The following MYPN variants were observed in gnomAD, a reference collection of about 807,000 sequenced individuals.
The protein encoded by MYPN is sarcomeric protein myopalladin, 145 kDa (MYOP).
Under a neutral mutation model 129.4 loss-of-function variants are expected in MYPN, and 63 were observed. The ratio of observed to expected loss-of-function variants is 0.49; its 90% CI spans 0.40 to 0.60. The LOEUF (loss-of-function observed/expected upper bound fraction) is 0.60, where lower values mean the gene tolerates loss of function less well. Ranked by LOEUF, MYPN falls within the 20% of genes least tolerant of loss-of-function variation. The pLI is 0.00. For synonymous variants in MYPN, 629 were observed against 600.9 expected (o/e 1.05, Z -0.68); for missense variants, 1,596 against 1,635.4 (o/e 0.98, Z 0.42).
At chr10:68,195,790 C>CT (rs1491122542) in intron 15 of MYPN, among the ~76,000 whole-genome samples, 2 of 33,038 alleles carry the variant, frequency 6.1e-5, no homozygotes, top group African/African-American at 1.1e-4. Context: ...GTCTCTGGGG[C>CT]TTTTTTTTTA....
At chr10:68,176,064 T>A (rs1273397727) in intron 12 of MYPN, among the ~76,000 whole-genome samples, 1 of 152,164 alleles carries the variant, frequency 6.6e-6, no homozygotes, top group African/African-American at 2.4e-5. Flanking sequence ...CTTTAAGGAA[T>A]TCTGGGGTTC....
chr10:68,186,667 T>C (rs1331628431), intron 12 of MYPN, among the ~76,000 whole-genome samples: 2 of 152,236 alleles, frequency 1.3e-5, no homozygotes, highest in Non-Finnish European at 2.9e-5. Context: ...TATTCACTCA[T>C]TCTTCAGATC....
upstream of MYPN, among the ~76,000 whole-genome samples, chr10:68,105,011 T>C (rs192843471): frequency 1.3e-3 from 195 of 152,294 alleles, 2 homozygotes; most frequent in Admixed American, 0.012. Context: ...TTTGAACTCC[T>C]GACCTCAGGT....
upstream of MYPN, among the ~76,000 whole-genome samples, chr10:68,103,077 G>A (rs1374833100): frequency 6.6e-6 from 1 of 152,134 alleles, no homozygotes; most frequent in African/African-American, 2.4e-5. Flanking sequence ...GAGCAAAATG[G>A]ATGAAAAAGC....
chr10:68,174,599 C>T lies in MYPN; in HGVS notation c.2507C>T (p.Ser836Phe), dbSNP rs376141715. 21 of 1,614,212 alleles carry T rather than the reference C, an allele frequency of 1.3e-5. 1 individual carries two copies. In the African/African-American group the frequency reaches 2.0e-4, roughly 15 times the overall value. The change falls in exon 11 of 20, where the codon TCT becomes TTT. Residue 836 changes from serine (S) to phenylalanine (F), a missense_variant. Ser to Phe is a radical substitution (Grantham distance 155). Coordinates refer to ENST00000358913, the MANE Select transcript of MYPN (RefSeq NM_032578.4). ...GCTTTCCTCAGCTCTGTTCTGCCTT[C>T]TCTCCCTGCCATCCCACCCACAAAT... The part of the protein sequence containing the change: ...PVAFLSSVLP[S>F]LPAIPPTNAM...
chr10:68,165,807 T>G lies in MYPN; in HGVS notation c.1589T>G (p.Leu530Arg), dbSNP rs771840346. The G allele has an allele frequency of 6.2e-7, 1 of 1,613,708 alleles. No individual in the cohort carries two copies. The highest frequency in any genetic ancestry group is 2.2e-5 in the East Asian group (1 of 44,874). The change falls in exon 9 of 20, where the codon CTG (leucine) becomes CGG (arginine). Residue 530 changes from leucine (L) to arginine (R), a missense_variant. Coordinates refer to ENST00000358913, the MANE Select transcript of MYPN (RefSeq NM_032578.4). ...KYGTVSSIAQ[L>R]HVRGNEDLSN... ...GGCACAGTGTCAAGCATTGCACAGC[T>G]GCACGTGAGAGGTAAGGACTCTTTA...
At chr10:68,206,936 T>C (rs986401611) in intron 19 of MYPN, 33 bp downstream of exon 19, 2 of 1,613,856 alleles carry the variant, frequency 1.2e-6, no homozygotes, top group Non-Finnish European at 1.7e-6. Flanking sequence ...AACATCTGTA[T>C]GCAACTGACA....
chr10:68,194,746 C>T (rs1271466770), intron 14 of MYPN, among the ~76,000 whole-genome samples: 2 of 152,230 alleles, frequency 1.3e-5, no homozygotes, highest in African/African-American at 2.4e-5. Flanking sequence ...TATTTTTTCA[C>T]TATGTATACC....
intron 12 of MYPN, among the ~76,000 whole-genome samples, chr10:68,182,223 AC>A (rs2043324646): frequency 1.2e-5 from 1 of 82,342 alleles, no homozygotes; most frequent in Non-Finnish European, 2.6e-5. Flanking sequence ...TATATATATA[AC>A]ACATATATAT....
At chr10:68,200,987 T>C (rs1202587224) in intron 17 of MYPN, among the ~76,000 whole-genome samples, 2 of 152,198 alleles carry the variant, frequency 1.3e-5, no homozygotes, top group African/African-American at 4.8e-5. Flanking sequence ...ATGAGGTACC[T>C]TTACCTAAAT....
chr10:68,135,586 C>T lies in MYPN; in HGVS notation c.903-7354C>T, dbSNP rs117200794. 5,589 of 574,016 alleles carry T rather than the reference C, an allele frequency of 9.7e-3. 39 individuals carry two copies. Among genetic ancestry groups the T allele is most frequent in the Non-Finnish European group, 0.011 (4,812 of 454,380 alleles). 35.6% of individuals were successfully genotyped at this position (574,016 alleles called of 1,614,324 possible). A position where few individuals can be genotyped will look rare whatever the true frequency, so the allele number is the denominator to read the frequency against. On this transcript the variant is annotated intron_variant, in intron 2 of 19. Transcript: ENST00000358913. ...TCTTCACTTAAGAGATCAAGCATTG[C>T]TAAATGAAGCTGGGCAAAGACAATT...
At chr10:68,173,103 G>A (rs779620341) in intron 10 of MYPN, among the ~76,000 whole-genome samples, 54 of 152,092 alleles carry the variant, frequency 3.6e-4, no homozygotes, top group Non-Finnish European at 1.2e-4. Flanking sequence ...CAAAAATAAT[G>A]ATGCCAGGAA....
At chr10:68,106,632 G>A (rs554043520), upstream of MYPN, 2 of 705,734 alleles carry the variant, frequency 2.8e-6, no homozygotes, top group Admixed American at 2.0e-5. Context: ...GTATATGTGA[G>A]TAATTTGTTT....
intron 1 of MYPN, among the ~76,000 whole-genome samples, chr10:68,088,912 A>T (rs2041918418): frequency 6.6e-6 from 1 of 152,112 alleles, no homozygotes; most frequent in South Asian, 2.1e-4. Flanking sequence ...CTTTTCCTCC[A>T]ACATCCTCCC....
rs1283859977 is a variant in MYPN at position 68,166,663 on chromosome 10, A to G, written c.1970A>G (p.Lys657Arg). The G allele has an allele frequency of 1.9e-6, 3 of 1,613,792 alleles. No individual in the cohort carries two copies. Among genetic ancestry groups the G allele is most frequent in the African/African-American group, 2.7e-5 (2 of 74,878 alleles). The stretch of plus-strand genomic sequence containing the variant: ...CCCCCTCCAGTTCTGGCCAAACCCA[A>G]ACTGTAAGTAAAAAGTAGGATGAAT... ...KEPPPVLAKP[K>R]LDSTQLQQLH... Residue 657 changes from lysine (K) to arginine (R), a missense_variant, in exon 10 of 20, where the codon AAA (lysine) becomes AGA (arginine). By Grantham distance (26) the Lys-to-Arg change is conservative. Transcript: ENST00000358913.
chr10:68,196,208 A>G lies in MYPN; in HGVS notation c.3158+676A>G, dbSNP rs2043601643. Among the ~76,000 whole-genome samples, 4 of 152,228 alleles carry G rather than the reference A, an allele frequency of 2.6e-5. No homozygotes were observed. In the South Asian group the frequency reaches 8.3e-4, roughly 31 times the overall value. On this transcript the variant is annotated intron_variant, in intron 15 of 19. Coordinates refer to ENST00000358913, the MANE Select transcript of MYPN (RefSeq NM_032578.4). The stretch of plus-strand genomic sequence containing the variant: ...GTAAGTTACCATCTTTTGTTTCATA[A>G]AACAGAAACCTTTAATGATTGAATG...
intron 16 of MYPN, among the ~76,000 whole-genome samples, chr10:68,198,556 G>A (rs2043650395): frequency 6.6e-6 from 1 of 152,152 alleles, no homozygotes; most frequent in African/African-American, 2.4e-5. Context: ...CTCTGTGGCT[G>A]CCTAAATAAT....
chr10:68,140,676 G>A (rs947910182), intron 2 of MYPN, among the ~76,000 whole-genome samples: 17 of 152,302 alleles, frequency 1.1e-4, no homozygotes, highest in African/African-American at 4.1e-4. Flanking sequence ...CATGGGCAGA[G>A]ACTTGAATGT....
At chr10:68,192,409 G>T (rs1317679812) in intron 13 of MYPN, among the ~76,000 whole-genome samples, 1 of 152,108 alleles carries the variant, frequency 6.6e-6, no homozygotes. Flanking sequence ...GTAGTATTTT[G>T]TTGAGGATTT....
Sources: allele counts gnomAD v4.1 joint callset (sites outside exome capture counted in the v4.1 genomes callset), GRCh38; gene constraint gnomAD v4.1.1; transcripts MANE v1.5; gene names NCBI Gene and HGNC (gene_info 2026-07-23, HGNC 2026-07-21).